METAP1D: variants seen among roughly 807,000 people sequenced by gnomAD.
The protein encoded by METAP1D is methionine aminopeptidase 1D, mitochondrial.
A neutral mutation model predicts 40.5 loss-of-function variants in METAP1D; 31 were observed. The ratio of observed to expected loss-of-function variants is 0.77; its 90% CI spans 0.58 to 1.03. METAP1D has a LOEUF of 1.03. METAP1D is among the 50% of genes least tolerant of loss of function. The probability of loss-of-function intolerance (pLI) is 0.00; values close to 1 mark genes in which losing one functional copy is unlikely to be tolerated. For missense variants in METAP1D, 411 were observed against 420.7 expected (o/e 0.98, Z 0.20); for synonymous variants, 151 against 146.4 (o/e 1.03, Z -0.22).
At chr2:172,033,654 C>A (rs556684275) in intron 1 of METAP1D, among the ~76,000 whole-genome samples, 1 of 151,932 alleles carries the variant, frequency 6.6e-6, no homozygotes, top group Admixed American at 6.6e-5. Flanking sequence ...CCGGGCCCAG[C>A]CCATTTGTTT....
intron 1 of METAP1D, among the ~76,000 whole-genome samples, chr2:172,052,269 G>C (rs1246743065): frequency 6.6e-6 from 1 of 152,188 alleles, no homozygotes; most frequent in African/African-American, 2.4e-5. Flanking sequence ...AAAGGTTGGT[G>C]AAACAGATCC....
At chr2:172,003,761 A>T (rs1006421071) in intron 1 of METAP1D, among the ~76,000 whole-genome samples, 1 of 151,826 alleles carries the variant, frequency 6.6e-6, no homozygotes, top group African/African-American at 2.4e-5. Flanking sequence ...GTAAGAGGGC[A>T]TATTTTCTTT....
Position 172,079,271 on chromosome 2 carries a change from A to G in METAP1D, c.850+9A>G. 6.2e-7 allele frequency: 1 copy of G among 1,614,004 alleles called. No homozygotes were observed. Among genetic ancestry groups the G allele is most frequent in the East Asian group, 2.2e-5 (1 of 44,874 alleles). On this transcript the variant is annotated intron_variant, in intron 8 of 9. Coordinates refer to ENST00000315796, the MANE Select transcript of METAP1D (RefSeq NM_199227.3). ...CATGGCATTCACTATAGGTAAATTG[A>G]GCTCCTCTTCCGAGTGAGTGCGTAG...
intron 6 of METAP1D, among the ~76,000 whole-genome samples, chr2:172,073,338 A>T (rs1193715841): frequency 6.6e-6 from 1 of 152,176 alleles, no homozygotes; most frequent in African/African-American, 2.4e-5. Flanking sequence ...TCCATGCAGG[A>T]TAATGCATTT....
intron 1 of METAP1D, among the ~76,000 whole-genome samples, chr2:172,041,726 T>TA (rs1553493427): frequency 1.6e-4 from 6 of 37,558 alleles, no homozygotes; most frequent in Admixed American, 3.8e-4. Flanking sequence ...TCTAATTATT[T>TA]TATATATATA....
At chr2:172,008,155 A>G (rs6433323) in intron 1 of METAP1D, among the ~76,000 whole-genome samples, 70,597 of 151,434 alleles carry the variant, frequency 0.47, 17,418 homozygotes, top group African/African-American at 0.64. Context: ...GTTCCTCTAT[A>G]AAATGGTAGT....
At chr2:172,021,379 G>A (rs1041593169) in intron 1 of METAP1D, among the ~76,000 whole-genome samples, 1 of 152,106 alleles carries the variant, frequency 6.6e-6, no homozygotes, top group South Asian at 2.1e-4. Context: ...TTAATCAAAT[G>A]GTCTAATGTT....
intron 1 of METAP1D, among the ~76,000 whole-genome samples, chr2:172,013,960 G>A (rs1180708190): frequency 6.7e-6 from 1 of 149,218 alleles, no homozygotes; most frequent in Non-Finnish European, 1.5e-5. Flanking sequence ...AGCTGGGACT[G>A]CAGGTGCGCA....
intron 1 of METAP1D, among the ~76,000 whole-genome samples, chr2:172,036,319 GA>G (rs34486471): frequency 5.0e-4 from 66 of 132,468 alleles, no homozygotes; most frequent in Non-Finnish European, 4.8e-4. Flanking sequence ...TCTGTCTCAA[GA>G]AAAAAAAAAA....
chr2:172,079,158 T>A, intron 7 of METAP1D, 57 bp from the exon 8 acceptor site: 5 of 1,580,272 alleles, frequency 3.2e-6, no homozygotes, highest in Middle Eastern at 1.7e-4. Flanking sequence ...GTAATCTGTT[T>A]TTTTTTTCTG....
At chr2:172,080,230 T>C in intron 9 of METAP1D, 24 bp downstream of exon 9, 11 of 1,614,062 alleles carry the variant, frequency 6.8e-6, no homozygotes, top group Non-Finnish European at 9.3e-6. Flanking sequence ...GCTCTGTTGC[T>C]TTTAAATTGT....
intron 1 of METAP1D, among the ~76,000 whole-genome samples, chr2:172,044,880 C>A (rs1440934016): frequency 3.4e-5 from 4 of 117,590 alleles, no homozygotes; most frequent in African/African-American, 1.0e-4. Flanking sequence ...CAGAACGAGA[C>A]TTTATCTCAA....
At chr2:172,058,109 C>T (rs1232667371) in intron 1 of METAP1D, among the ~76,000 whole-genome samples, 2 of 152,028 alleles carry the variant, frequency 1.3e-5, no homozygotes, top group African/African-American at 2.4e-5. Flanking sequence ...TCCTGAGTAG[C>T]TGAACTCCTG....
chr2:172,013,378 A>C (rs1688775505), intron 1 of METAP1D, among the ~76,000 whole-genome samples: 1 of 152,096 alleles, frequency 6.6e-6, no homozygotes, highest in South Asian at 2.1e-4. Context: ...AGATTTCTTG[A>C]CTTAACAGTT....
At position 172,034,096 on chromosome 2, in the gene METAP1D, AAAG is replaced by A. The variant is rs1406313065; in HGVS notation, c.41-27401_41-27399del. On this transcript the variant is annotated intron_variant, in intron 1 of 9. Transcript: ENST00000315796. ...CATCTCAAAAAAAAAAAAAAAAACA[AAAG>A]TCCTCATCTTTTGGATGTACACATG... Among the ~76,000 whole-genome samples the A allele has an allele frequency of 7.9e-3, 1,197 of 150,896 alleles. 18 individuals carry two copies. The highest frequency in any genetic ancestry group is 0.027 in the African/African-American group (1,122 of 40,924).
chr2:172,059,740 C>T (rs1265461881), intron 1 of METAP1D, among the ~76,000 whole-genome samples: 5 of 152,168 alleles, frequency 3.3e-5, no homozygotes, highest in Admixed American at 6.5e-5. Context: ...GTAGTTGTGA[C>T]CTGTTGGGGA....
intron 6 of METAP1D, 65 bp downstream of exon 6, chr2:172,071,135 G>T (rs576766800): frequency 7.4e-7 from 1 of 1,352,804 alleles, no homozygotes; most frequent in South Asian, 2.0e-5. Context: ...TGGTGGCTTG[G>T]TATAAAGTTG....
chr2:171,999,990 C>T lies in METAP1D; in HGVS notation c.21C>T (p.Val7=). The T allele has an allele frequency of 2.2e-6, 3 of 1,346,196 alleles. No individual in the cohort carries two copies. The highest frequency in any genetic ancestry group is 1.9e-5 in the South Asian group (1 of 53,392). The allele number at this position is 1,346,196 out of a possible 1,614,324, so 83.4% of individuals were successfully genotyped here. The change falls in exon 1 of 10, where the codon GTC becomes GTT. Residue 7 remains valine (V), a synonymous_variant. Transcript: ENST00000315796. The part of the protein sequence containing the change: MAAPSG[V]HLLVRRGSHR... ...CCAACATGGCGGCGCCCAGTGGCGT[C>T]CACCTGCTCGTCCGCAGAGGTAAGC...
intron 9 of METAP1D, 45 bp from the exon 10 acceptor site, chr2:172,080,283 C>T: frequency 1.2e-6 from 2 of 1,613,960 alleles, no homozygotes; most frequent in Admixed American, 1.7e-5. Flanking sequence ...TGTGGCCCGG[C>T]CGGAGCTTGC....
Sources: allele counts gnomAD v4.1 joint callset (sites outside exome capture counted in the v4.1 genomes callset), GRCh38; gene constraint gnomAD v4.1.1; transcripts MANE v1.5; gene names NCBI Gene and HGNC (gene_info 2026-07-23, HGNC 2026-07-21).